The following MTMR3 variants were observed in gnomAD, a reference collection of about 807,000 sequenced individuals.
MTMR3 encodes phosphatidylinositol-3,5-bisphosphate 3-phosphatase MTMR3.
Under a neutral mutation model 132.4 loss-of-function variants are expected in MTMR3, and 32 were observed. That is an observed-to-expected ratio of 0.24 (90% CI 0.18 to 0.32). The LOEUF (loss-of-function observed/expected upper bound fraction) is 0.32, where lower values mean the gene tolerates loss of function less well. MTMR3 is among the 10% of genes least tolerant of loss of function. The probability of loss-of-function intolerance (pLI) is 1.00; values close to 1 mark genes in which losing one functional copy is unlikely to be tolerated. For missense variants in MTMR3, 1,216 were observed against 1,489.6 expected, an observed-to-expected ratio of 0.82 and a Z score of 3.02; for synonymous variants, 556 against 550.3, an observed-to-expected ratio of 1.01 and a Z score of -0.14.
At chr22:29,920,401 A>G (rs1413841573) in intron 1 of MTMR3, among the ~76,000 whole-genome samples, 3 of 152,162 alleles carry the variant, frequency 2.0e-5, no homozygotes, top group Non-Finnish European at 4.4e-5. Context: ...ATTTTGCTGG[A>G]GTATGTAAAA....
At chr22:29,889,813 A>G (rs1331719324) in intron 1 of MTMR3, among the ~76,000 whole-genome samples, 2 of 151,962 alleles carry the variant, frequency 1.3e-5, no homozygotes, top group Admixed American at 6.6e-5. Flanking sequence ...GGATATTGTC[A>G]ATTTTTCTCT....
chr22:29,960,924 G>A (rs2066299010), intron 2 of MTMR3, among the ~76,000 whole-genome samples: 1 of 152,108 alleles, frequency 6.6e-6, no homozygotes, highest in Admixed American at 6.5e-5. Flanking sequence ...AATTGCAAAT[G>A]TTTTAAAAGT....
chr22:29,909,490 C>T (rs2065165651), intron 1 of MTMR3, among the ~76,000 whole-genome samples: 1 of 152,056 alleles, frequency 6.6e-6, no homozygotes, highest in Non-Finnish European at 1.5e-5. Context: ...ATGACTTGGG[C>T]AAGTTACCTT....
intron 7 of MTMR3, chr22:29,993,484 T>TCTTA (rs1368974296): frequency 1.3e-5 from 2 of 152,154 alleles, no homozygotes; most frequent in African/African-American, 4.8e-5. Flanking sequence ...TCCTACTGCA[T>TCTTA]TATGTTATAT....
intron 1 of MTMR3, among the ~76,000 whole-genome samples, chr22:29,904,083 A>G (rs2065050864): frequency 6.6e-6 from 1 of 152,210 alleles, no homozygotes; most frequent in African/African-American, 2.4e-5. Flanking sequence ...GACAAGACTT[A>G]TAGCTCTTTA....
chr22:29,907,344 G>A (rs1430869466), intron 1 of MTMR3, among the ~76,000 whole-genome samples: 2 of 151,982 alleles, frequency 1.3e-5, no homozygotes, highest in Admixed American at 6.5e-5. Context: ...AGAGCTTGCA[G>A]TGAGCCGAGA....
At chr22:30,021,978 T>G in intron 17 of MTMR3, 51 bp from the exon 18 acceptor site, 1 of 1,458,374 alleles carries the variant, frequency 6.9e-7, no homozygotes. Context: ...CTTTTCTTCT[T>G]TTGGGAGGAG....
rs1214783907 is a variant in MTMR3, at chr22:30,020,120, G to A, written c.2461G>A (p.Gly821Ser). 8.7e-6 allele frequency: 14 copies of A among 1,614,088 alleles called. No homozygotes were observed. The Admixed American group carries it at 2.3e-4, about 27-fold the overall frequency. ...CCCAGTAGATGCAAAAGTTGGCTAT[G>A]GTACCTCACAGTCATGTTCTCTGCT... The part of the protein sequence containing the change: ...PIPVDAKVGY[G>S]TSQSCSLLPS... The change falls in exon 17 of 20, where the codon GGT becomes AGT. Residue 821 changes from glycine (G) to serine (S), a missense_variant. Physicochemically the swap from Gly to Ser is moderately conservative, Grantham distance 56 (BLOSUM62 0). Transcript: ENST00000401950.
intron 17 of MTMR3, 28 bp downstream of exon 17, chr22:30,020,912 G>A: frequency 6.5e-7 from 1 of 1,541,430 alleles, no homozygotes; most frequent in Non-Finnish European, 8.8e-7. Flanking sequence ...TTCCTCCATA[G>A]CTGCCCAAGG....
At chr22:29,902,444 G>A (rs985073352) in intron 1 of MTMR3, among the ~76,000 whole-genome samples, 9 of 135,616 alleles carry the variant, frequency 6.6e-5, no homozygotes, top group African/African-American at 2.5e-4. Context: ...GTCTCGCTCT[G>A]TCGCCCAGGC....
chr22:29,913,013 C>T (rs1030630875), intron 1 of MTMR3, among the ~76,000 whole-genome samples: 2 of 152,070 alleles, frequency 1.3e-5, no homozygotes, highest in African/African-American at 4.8e-5. Flanking sequence ...GAAGCCGAGG[C>T]GAGAGAATCA....
chr22:30,016,934 C>T (rs1460675067), intron 15 of MTMR3: 2 of 459,636 alleles, frequency 4.4e-6, no homozygotes, highest in Non-Finnish European at 7.7e-6. Context: ...CAGATCTCTA[C>T]TTTGCCACCC....
chr22:30,005,783 AAAC>A (rs1311638674), intron 9 of MTMR3: 1 of 152,166 alleles, frequency 6.6e-6, no homozygotes, highest in Non-Finnish European at 1.5e-5. Flanking sequence ...TCGTCCCAAA[AAAC>A]CCATTCACAG....
At chr22:29,908,986 T>TCTTTTCTTTTC (rs1389454223) in intron 1 of MTMR3, among the ~76,000 whole-genome samples, 1 of 150,930 alleles carries the variant, frequency 6.6e-6, no homozygotes, top group Admixed American at 6.6e-5. Flanking sequence ...TCTTTTCTTT[T>TCTTTTCTTTTC]TTTTTTTTTG....
intron 2 of MTMR3, among the ~76,000 whole-genome samples, chr22:29,959,320 G>T (rs2145848347): frequency 6.6e-6 from 1 of 152,198 alleles, no homozygotes; most frequent in East Asian, 1.9e-4. Context: ...TTAGCCAGGG[G>T]GGTGGGGGAG....
rs1491465662 is a variant in MTMR3, at chr22:29,896,867, T to TCACACACACACACACACA, written c.-138+13509_-138+13510insACACACACACACACACAC. On this transcript the variant is annotated intron_variant, in intron 1 of 19. Transcript: ENST00000401950. ...TTTATAGTACAGAATAACAGGCTTGTCTCACACACACACACACACACACAC... is the reference window on the plus strand; with the variant it reads ...TTTATAGTACAGAATAACAGGCTTGTCACACACACACACACACACTCACACACACACACACACACACAC... 5.6e-3 allele frequency among the ~76,000 whole-genome samples: 205 copies of TCACACACACACACACACA among 36,704 alleles called. 2 individuals carry two copies. Among genetic ancestry groups the TCACACACACACACACACA allele is most frequent in the African/African-American group, 0.012 (194 of 16,528 alleles). 24.1% of individuals were successfully genotyped at this position (36,704 alleles called of 152,430 possible). A position where few individuals can be genotyped will look rare whatever the true frequency, so the allele number is the denominator to read the frequency against.
chr22:29,974,864 T>C (rs1182423538), intron 3 of MTMR3, among the ~76,000 whole-genome samples: 2 of 152,236 alleles, frequency 1.3e-5, no homozygotes, highest in Non-Finnish European at 2.9e-5. Context: ...TATACTTTTA[T>C]GTAAGATTTT....
At position 29,922,993 on chromosome 22, in the gene MTMR3, G is replaced by A. The variant is rs190629799; in HGVS notation, c.-137-34043G>A. On this transcript the variant is annotated intron_variant, in intron 1 of 19. Coordinates refer to ENST00000401950, the MANE Select transcript of MTMR3 (RefSeq NM_021090.4). Reference sequence around the variant, plus strand: ...AGGCTCAATCGGTTCTCCCACCTTAGCCTCCAGAGTGGCTGAGACCACAGG... The same window carrying A: ...AGGCTCAATCGGTTCTCCCACCTTAACCTCCAGAGTGGCTGAGACCACAGG... 4.4e-3 allele frequency among the ~76,000 whole-genome samples: 654 copies of A among 149,304 alleles called. 6 individuals are homozygous for A. Among genetic ancestry groups the A allele is most frequent in the African/African-American group, 0.015 (616 of 40,512 alleles).
At chr22:30,022,512 G>A (rs2067789699) in intron 18 of MTMR3, 97 bp from the exon 19 acceptor site, 1 of 1,023,020 alleles carries the variant, frequency 9.8e-7, no homozygotes, top group South Asian at 1.3e-5. Context: ...TGGAGCTGAT[G>A]TGGTCCTTGT....
Sources: gnomAD v4.1 joint callset for allele counts (sites outside exome capture counted in the v4.1 genomes callset) on GRCh38, gnomAD v4.1.1 for gene constraint, MANE v1.5 for transcripts, NCBI Gene and HGNC (gene_info 2026-07-23, HGNC 2026-07-21) for gene names.